STX12: variants seen among roughly 807,000 people sequenced by gnomAD.
STX12 encodes syntaxin-12.
Under a neutral mutation model 42.2 loss-of-function variants are expected in STX12, and 17 were observed. That is an observed-to-expected ratio of 0.40 (90% CI 0.28 to 0.60). The LOEUF is 0.60. STX12 is among the 20% of genes least tolerant of loss of function. The pLI is 0.39. For synonymous variants in STX12, 108 were observed against 116.7 expected (o/e 0.93, Z 0.48); for missense variants, 297 against 330.9 (o/e 0.90, Z 0.79).
chr1:27,795,112 T>A (rs918762268), intron 3 of STX12, among the ~76,000 whole-genome samples: 3 of 152,058 alleles, frequency 2.0e-5, no homozygotes, highest in African/African-American at 7.2e-5. Flanking sequence ...TTCCCTGTCG[T>A]GGGTTGTTTT....
intron 8 of STX12, chr1:27,820,038 G>A: frequency 4.8e-6 from 1 of 209,438 alleles, no homozygotes; most frequent in Non-Finnish European, 9.9e-6. Flanking sequence ...ATTTCAATTA[G>A]GATAGTAAGA....
At chr1:27,795,048 G>A (rs1302413428) in intron 3 of STX12, among the ~76,000 whole-genome samples, 3 of 152,042 alleles carry the variant, frequency 2.0e-5, no homozygotes, top group Non-Finnish European at 2.9e-5. Flanking sequence ...ATGATTGAAC[G>A]TTTTAAATGA....
intron 6 of STX12, among the ~76,000 whole-genome samples, chr1:27,813,336 C>A (rs1477158115): frequency 6.6e-6 from 1 of 152,074 alleles, no homozygotes; most frequent in Non-Finnish European, 1.5e-5. Flanking sequence ...CCACCACACT[C>A]GGCTAATTTT....
chr1:27,809,724 C>T (rs2088890766), intron 4 of STX12, among the ~76,000 whole-genome samples: 1 of 151,990 alleles, frequency 6.6e-6, no homozygotes, highest in African/African-American at 2.4e-5. Flanking sequence ...TCCCAAAGTG[C>T]TGGGATTACA....
chr1:27,791,330 A>G (rs2088739486), intron 2 of STX12, among the ~76,000 whole-genome samples: 1 of 93,848 alleles, frequency 1.1e-5, no homozygotes, highest in Non-Finnish European at 2.1e-5. Flanking sequence ...ACACAATTTT[A>G]TATTAAGGAC....
intron 1 of STX12, among the ~76,000 whole-genome samples, chr1:27,782,027 G>A (rs1232046465): frequency 6.6e-6 from 1 of 152,158 alleles, no homozygotes; most frequent in Non-Finnish European, 1.5e-5. Flanking sequence ...GCATAGAGGA[G>A]TGGAGCCTTT....
intron 8 of STX12, among the ~76,000 whole-genome samples, chr1:27,821,934 C>T (rs890344706): frequency 6.6e-6 from 1 of 152,094 alleles, no homozygotes; most frequent in African/African-American, 2.4e-5. Context: ...ATTAGAATCA[C>T]TTGAACCTGG....
At chr1:27,817,180 T>A (rs1316631129) in intron 6 of STX12, among the ~76,000 whole-genome samples, 1 of 152,210 alleles carries the variant, frequency 6.6e-6, no homozygotes, top group Non-Finnish European at 1.5e-5. Flanking sequence ...CTTCCACTGC[T>A]GTTAGGAAAA....
chr1:27,794,839 A>G (rs1437769967), intron 3 of STX12, among the ~76,000 whole-genome samples: 2 of 151,916 alleles, frequency 1.3e-5, no homozygotes. Context: ...CTCCCAACTC[A>G]GCCTCCTGAG....
rs561352716 is a variant in STX12, at chr1:27,823,559, T to A, written c.*1230T>A. The A allele has an allele frequency of 1.3e-5, 2 of 152,748 alleles. No individual in the cohort carries two copies. The highest frequency in any genetic ancestry group is 4.8e-5 in the African/African-American group (2 of 41,578). The allele number at this position is 152,748 out of a possible 1,614,324, so 9.5% of individuals were successfully genotyped here. ...GTTTAGGCTCCCACATAAATGTGAA[T>A]CTGGCCAACAACTTTGGTTCATCCT... On this transcript the variant is annotated 3_prime_UTR_variant, in exon 9 of 9. Transcript: ENST00000373943.
chr1:27,806,126 T>C (rs1176653571), intron 4 of STX12, among the ~76,000 whole-genome samples: 2 of 152,212 alleles, frequency 1.3e-5, no homozygotes, highest in African/African-American at 2.4e-5. Context: ...CAGAAAAGTA[T>C]TTAAATATTG....
chr1:27,794,712 T>G (rs2088772796), intron 3 of STX12, among the ~76,000 whole-genome samples: 1 of 152,088 alleles, frequency 6.6e-6, no homozygotes, highest in Admixed American at 6.6e-5. Context: ...GCACTTAACT[T>G]GTATTGCTTT....
At chr1:27,795,742 T>C (rs1557802078) in intron 3 of STX12, among the ~76,000 whole-genome samples, 2 of 152,196 alleles carry the variant, frequency 1.3e-5, no homozygotes, top group Non-Finnish European at 2.9e-5. Context: ...ACAAGATGCT[T>C]TGTCATCCTG....
intron 4 of STX12, among the ~76,000 whole-genome samples, chr1:27,809,155 GA>G (rs1315471954): frequency 6.6e-6 from 1 of 151,968 alleles, no homozygotes; most frequent in African/African-American, 2.4e-5. Context: ...CCAATATGGT[GA>G]AACCCCGTCT....
intron 1 of STX12, among the ~76,000 whole-genome samples, chr1:27,788,425 A>G (rs1341749454): frequency 2.6e-5 from 4 of 152,196 alleles, no homozygotes; most frequent in Non-Finnish European, 5.9e-5. Context: ...CCTTATTGAT[A>G]GATGATCAGT....
Position 27,824,248 on chromosome 1 carries a change from G to T in STX12, c.*1919G>T, listed in dbSNP as rs1203943594. ...CATTGTAGGAAAGAAAAAAGTCTTG[G>T]TTGTGAAAAACGATTTGCATTTGGG... On this transcript the variant is annotated 3_prime_UTR_variant, in exon 9 of 9. Coordinates refer to ENST00000373943, the MANE Select transcript of STX12 (RefSeq NM_177424.3). 6.6e-6 allele frequency: 1 copy of T among 152,138 alleles called. No individual in the cohort carries two copies. The highest frequency in any genetic ancestry group is 1.9e-4 in the East Asian group (1 of 5,190). 9.4% of individuals were successfully genotyped at this position (152,138 alleles called of 1,614,324 possible). A position where few individuals can be genotyped will look rare whatever the true frequency, so the allele number is the denominator to read the frequency against.
intron 3 of STX12, among the ~76,000 whole-genome samples, chr1:27,800,043 C>T (rs1300469336): frequency 3.3e-5 from 5 of 152,264 alleles, no homozygotes; most frequent in African/African-American, 1.2e-4. Flanking sequence ...GCATGCGCTA[C>T]TGCGCCCGGC....
chr1:27,800,794 T>C (rs376272730), intron 3 of STX12, among the ~76,000 whole-genome samples: 21 of 152,212 alleles, frequency 1.4e-4, no homozygotes, highest in South Asian at 8.3e-4. Context: ...ACTAGGACTA[T>C]AGGCATAAGC....
chr1:27,809,636 T>C lies in STX12; in HGVS notation c.427-610T>C, dbSNP rs986189912. Reference sequence around the variant, plus strand: ...CACGTCCAGCTAATTTTTTTTGTATTTTTAGTAGAGACGGGGTTTCACCAT... The same window carrying C: ...CACGTCCAGCTAATTTTTTTTGTATCTTTAGTAGAGACGGGGTTTCACCAT... On this transcript the variant is annotated intron_variant, in intron 4 of 8. Coordinates refer to ENST00000373943, the MANE Select transcript of STX12 (RefSeq NM_177424.3). Among the ~76,000 whole-genome samples the C allele has an allele frequency of 2.0e-5, 3 of 151,982 alleles. No homozygotes were observed. In the South Asian group the frequency reaches 6.2e-4, roughly 32 times the overall value.
Sources: allele counts gnomAD v4.1 joint callset (sites outside exome capture counted in the v4.1 genomes callset), GRCh38; gene constraint gnomAD v4.1.1; transcripts MANE v1.5; gene names NCBI Gene and HGNC (gene_info 2026-07-23, HGNC 2026-07-21).